Variants in MYO10 observed in about 807,000 individuals in gnomAD.
MYO10 encodes myosin X.
In MYO10, 133 loss-of-function variants were observed where a neutral mutation model predicts 257.3. That is an observed-to-expected ratio of 0.52 (90% CI 0.45 to 0.60). The LOEUF (loss-of-function observed/expected upper bound fraction) is 0.60. Ranked by LOEUF, MYO10 falls within the 20% of genes least tolerant of loss-of-function variation. MYO10 has a pLI of 0.00. For missense variants in MYO10, 2,399 were observed against 2,635.7 expected, an observed-to-expected ratio of 0.91 and a Z score of 1.97; for synonymous variants, 1,104 against 1,028.6, an observed-to-expected ratio of 1.07 and a Z score of -1.40.
intron 2 of MYO10, among the ~76,000 whole-genome samples, chr5:16,854,778 T>A (rs1255534824): frequency 1.3e-5 from 2 of 152,138 alleles, no homozygotes; most frequent in African/African-American, 4.8e-5. Context: ...ACATCTGTAA[T>A]CCCAGCACTT....
chr5:16,926,658 C>T (rs138842921), intron 1 of MYO10, among the ~76,000 whole-genome samples: 1,887 of 151,086 alleles, frequency 0.012, 38 homozygotes, highest in African/African-American at 0.044. Context: ...GCCAAAATTG[C>T]GCCACTACAC....
rs922056887 is a variant in MYO10 at position 16,666,323 on chromosome 5, C to T, written c.*369G>A. ...CCCCTTCCACGCTCTGTTAAGTCTC[C>T]CCCAGAAGGGGGAAAGGCAGTTCCC... On this transcript the variant is annotated 3_prime_UTR_variant, in exon 41 of 41. Coordinates refer to ENST00000513610, the MANE Select transcript of MYO10 (RefSeq NM_012334.3). 3.8e-5 allele frequency: 7 copies of T among 185,744 alleles called. No homozygotes were observed. Among genetic ancestry groups the T allele is most frequent in the Non-Finnish European group, 7.7e-5 (7 of 90,456 alleles). 11.5% of individuals were successfully genotyped at this position (185,744 alleles called of 1,614,324 possible).
chr5:16,762,110 T>C lies in MYO10; in HGVS notation c.1591A>G (p.Asn531Asp). 7.3e-7 allele frequency: 1 copy of C among 1,366,180 alleles called. No individual in the cohort carries two copies. Among genetic ancestry groups the C allele is most frequent in the Non-Finnish European group, 9.6e-7 (1 of 1,043,696 alleles). 84.6% of individuals were successfully genotyped at this position (1,366,180 alleles called of 1,614,324 possible). A position where few individuals can be genotyped will look rare whatever the true frequency, so the allele number is the denominator to read the frequency against. ...ACTCTGGGCTTCACATAAAAGTGGTTATTCTAAAAAAAAAAAAAAAAAAAA... is the reference window on the plus strand; with the variant it reads ...ACTCTGGGCTTCACATAAAAGTGGTCATTCTAAAAAAAAAAAAAAAAAAAA... ...LEKLHSQHAN[N>D]HFYVKPRVAV... The change falls in exon 16 of 41, where the codon AAC becomes GAC. Residue 531 changes from asparagine to aspartate, a missense_variant. By Grantham distance (23) the Asn-to-Asp change is conservative (BLOSUM62 1). Around this residue, in one of 3 missense-constraint regions of MYO10, gnomAD observed 337 missense variants for 446.8 expected, o/e 0.75. Transcript: ENST00000513610.
intron 6 of MYO10, among the ~76,000 whole-genome samples, 188 bp downstream of exon 6, chr5:16,781,517 T>C (rs1336771163): frequency 3.3e-5 from 5 of 152,218 alleles, no homozygotes; most frequent in African/African-American, 1.2e-4. Context: ...TATAGGCACA[T>C]GTACCATGTC....
intron 19 of MYO10, among the ~76,000 whole-genome samples, chr5:16,718,613 C>T (rs1490436451): frequency 6.6e-6 from 1 of 151,882 alleles, no homozygotes; most frequent in Non-Finnish European, 1.5e-5. Flanking sequence ...CTGTATCTAG[C>T]TCAAGGTTTG....
At chr5:16,684,116 G>A (rs576224621) in intron 29 of MYO10, among the ~76,000 whole-genome samples, 181 bp from the exon 30 acceptor site, 81 of 152,116 alleles carry the variant, frequency 5.3e-4, no homozygotes, top group African/African-American at 1.9e-3. Flanking sequence ...GCCTCTACAC[G>A]GAGCAGAATC....
chr5:16,857,530 G>A (rs1342499772), intron 2 of MYO10, among the ~76,000 whole-genome samples: 1 of 152,182 alleles, frequency 6.6e-6, no homozygotes, highest in Non-Finnish European at 1.5e-5. Flanking sequence ...AGCACCTGGG[G>A]ACTTGTTAGA....
intron 2 of MYO10, among the ~76,000 whole-genome samples, chr5:16,830,416 CTTG>C (rs1047425735): frequency 1.3e-5 from 2 of 151,908 alleles, no homozygotes; most frequent in East Asian, 1.9e-4. Context: ...GAAAAGCATC[CTTG>C]TTGTTTTCGT....
intron 28 of MYO10, among the ~76,000 whole-genome samples, chr5:16,687,929 T>TA (rs1184841884): frequency 7.2e-5 from 11 of 152,214 alleles, no homozygotes; most frequent in African/African-American, 2.4e-4. Flanking sequence ...ATTAGACTCT[T>TA]AAATTTATAA....
At chr5:16,887,275 G>C (rs1306513884) in intron 1 of MYO10, among the ~76,000 whole-genome samples, 1 of 152,108 alleles carries the variant, frequency 6.6e-6, no homozygotes, top group Non-Finnish European at 1.5e-5. Context: ...AAAAGAAAGC[G>C]GTAAAAGGTA....
chr5:16,750,565 G>A (rs539474141), intron 19 of MYO10, among the ~76,000 whole-genome samples: 16 of 152,170 alleles, frequency 1.1e-4, no homozygotes, highest in Admixed American at 3.3e-4. Context: ...CCACTAGCCC[G>A]GCGAGTGTGT....
In MYO10 at chr5:16,877,705, T is replaced by C; in HGVS notation, c.24A>G (p.Gly8=). The part of the protein sequence containing the change: MDNFFTE[G]TRVWLRENGQ... ...CATTTTCTCTCAGCCAGACCCGTGT[T>C]CCCTGTAAACAAAACAAACAAGACT... Residue 8 remains glycine, a splice_region_variant and synonymous_variant, in exon 2 of 41, where the codon GGA becomes GGG. Transcript: ENST00000513610. 1 of 1,612,238 alleles carries C rather than the reference T, an allele frequency of 6.2e-7. No homozygotes were observed. The highest frequency in any genetic ancestry group is 1.3e-5 in the African/African-American group (1 of 74,988).
chr5:16,813,590 A>G (rs144630051), intron 3 of MYO10, among the ~76,000 whole-genome samples: 3 of 150,772 alleles, frequency 2.0e-5, no homozygotes, highest in Non-Finnish European at 3.0e-5. Flanking sequence ...AAAAAGGAGG[A>G]CACGTATGGT....
chr5:16,898,712 T>C (rs568886178), intron 1 of MYO10, among the ~76,000 whole-genome samples: 88 of 151,536 alleles, frequency 5.8e-4, no homozygotes, highest in Non-Finnish European at 1.1e-3. Context: ...CCTGGCCCCA[T>C]TGTCAAATTC....
chr5:16,669,626 T>A (rs1736347884), intron 39 of MYO10, among the ~76,000 whole-genome samples: 1 of 152,194 alleles, frequency 6.6e-6, no homozygotes, highest in Admixed American at 6.5e-5. Flanking sequence ...AGCACCTGAT[T>A]TTTTTATACT....
chr5:16,728,240 C>T (rs1365178153), intron 19 of MYO10, among the ~76,000 whole-genome samples: 3 of 152,148 alleles, frequency 2.0e-5, no homozygotes, highest in African/African-American at 7.2e-5. Flanking sequence ...CTACTGCACA[C>T]GGCCAGGGTC....
chr5:16,690,059 C>A, intron 27 of MYO10, 140 bp from the exon 28 acceptor site: 1 of 650,148 alleles, frequency 1.5e-6, no homozygotes, highest in Non-Finnish European at 2.8e-6. Context: ...CTCTCCATAT[C>A]TGCGAGTTCA....
chr5:16,741,690 T>C (rs1740023651), intron 19 of MYO10: 2 of 727,900 alleles, frequency 2.7e-6, no homozygotes, highest in Non-Finnish European at 3.4e-6. Flanking sequence ...CTTCCGTGCC[T>C]GGAGAAACAG....
chr5:16,803,786 G>T (rs1742190629), intron 3 of MYO10, among the ~76,000 whole-genome samples: 1 of 152,084 alleles, frequency 6.6e-6, no homozygotes, highest in Non-Finnish European at 1.5e-5. Context: ...AGAAAATTTT[G>T]CCTCATTGTA....
Sources: gnomAD v4.1 joint callset for allele counts (sites outside exome capture counted in the v4.1 genomes callset) on GRCh38, gnomAD v4.1.1 for gene constraint, gnomAD v4.1.1 regional missense constraint, MANE v1.5 for transcripts, NCBI Gene and HGNC (gene_info 2026-07-23, HGNC 2026-07-21) for gene names.